PHF12: variants seen among roughly 807,000 people sequenced by gnomAD.
The protein encoded by PHF12 is PHD factor 1.
A neutral mutation model predicts 99.8 loss-of-function variants in PHF12; 6 were observed. The observed-to-expected ratio is 0.06, with a 90% CI of 0.03 to 0.12. The LOEUF (loss-of-function observed/expected upper bound fraction) is 0.12. Among genes scored for constraint, PHF12 ranks in the 10% least tolerant of loss-of-function variants. The pLI is 1.00. For missense variants in PHF12, 954 were observed against 1,300.1 expected (o/e 0.73, Z 4.09); for synonymous variants, 480 against 514.9 (o/e 0.93, Z 0.92).
chr17:28,930,671 C>T (rs1047128990), intron 2 of PHF12, among the ~76,000 whole-genome samples: 1 of 152,146 alleles, frequency 6.6e-6, no homozygotes, highest in Non-Finnish European at 1.5e-5. Flanking sequence ...TTTTCAATAT[C>T]GTTTATCTTA....
In PHF12 at chr17:28,906,637, G is replaced by A; in HGVS notation, c.2681-120C>T. On this transcript the variant is annotated intron_variant, in intron 14 of 14. Coordinates refer to ENST00000332830, the MANE Select transcript of PHF12 (RefSeq NM_001033561.2). This position sits in a 1 kb window ranked among gnomAD's most constrained non-coding sequence, Gnocchi z 4.2. ...CAACTGCTGCATGACTAGGGAGGAA[G>A]GATGCTCAGAAAGGGTTGGTGGAGT... 7.8e-7 allele frequency: 1 copy of A among 1,280,462 alleles called. No individual in the cohort carries two copies. The highest frequency in any genetic ancestry group is 1.1e-6 in the Non-Finnish European group (1 of 934,796). The allele number at this position is 1,280,462 out of a possible 1,614,324, so 79.3% of individuals were successfully genotyped here.
chr17:28,907,665 G>A lies in PHF12; in HGVS notation c.2466C>T (p.Asp822=), dbSNP rs2039893046. ...CATAGTTTGTAAGGCACACATCCAT[G>A]TCAGCTCCTGCAAGGTGGCAGGAGT... The part of the protein sequence containing the change: ...YRTLYIGTGA[D]MDVCLTNYGH... Residue 822 remains aspartate (D), a synonymous_variant, in exon 13 of 15, where the codon GAC becomes GAT. Coordinates refer to ENST00000332830, the MANE Select transcript of PHF12 (RefSeq NM_001033561.2). 1 of 1,613,636 alleles carries A rather than the reference G, an allele frequency of 6.2e-7. No individual in the cohort carries two copies. The highest frequency in any genetic ancestry group is 8.5e-7 in the Non-Finnish European group (1 of 1,179,772).
chr17:28,911,121 C>T lies in PHF12; in HGVS notation c.2206G>A (p.Val736Ile), dbSNP rs1217791456. Reference sequence around the variant, plus strand: ...CAGCTCATTCACTCACCTCCATTGACATCCATAAATGCTCGAAGTGAGTTG... The same window carrying T: ...CAGCTCATTCACTCACCTCCATTGATATCCATAAATGCTCGAAGTGAGTTG... ...LTNSLRAFMD[V>I]NGEIEINMLD... The change falls in exon 10 of 15, where the codon GTC (valine) becomes ATC (isoleucine). Residue 736 changes from valine (V) to isoleucine (I), a missense_variant. Physicochemically the swap from Val to Ile is conservative, Grantham distance 29. Around this residue, in one of 8 missense-constraint regions of PHF12, gnomAD observed 143 missense variants for 191.8 expected, o/e 0.75. Coordinates refer to ENST00000332830, the MANE Select transcript of PHF12 (RefSeq NM_001033561.2). 2 of 1,614,070 alleles carry T rather than the reference C, an allele frequency of 1.2e-6. No individual in the cohort carries two copies. Among genetic ancestry groups the T allele is most frequent in the African/African-American group, 2.7e-5 (2 of 74,928 alleles).
rs2040813580 is a variant in PHF12, at chr17:28,951,463, T to A, written c.-503A>T. The A allele has an allele frequency of 1.0e-6, 1 of 985,552 alleles. No individual in the cohort carries two copies. 61.1% of individuals were successfully genotyped at this position (985,552 alleles called of 1,614,324 possible). A position where few individuals can be genotyped will look rare whatever the true frequency, so the allele number is the denominator to read the frequency against. On this transcript the variant is annotated 5_prime_UTR_variant, in exon 1 of 15. It adds an upstream start codon to the 5' untranslated region. Transcript: ENST00000332830. ...CGGCTGCCGCGCACTTGGCGCAAAC[T>A]TACCGCGAGCGCCCGCAAAGCCACC...
At chr17:28,947,524 GC>G (rs2040741329) in intron 2 of PHF12, among the ~76,000 whole-genome samples, 3 of 151,888 alleles carry the variant, frequency 2.0e-5, no homozygotes, top group African/African-American at 7.3e-5. Flanking sequence ...GTTGCAATAA[GC>G]CGAGATTGCA....
intron 2 of PHF12, among the ~76,000 whole-genome samples, chr17:28,942,310 A>C (rs2040632138): frequency 6.6e-6 from 1 of 151,966 alleles, no homozygotes; most frequent in African/African-American, 2.4e-5. Flanking sequence ...AGGCCAGGAC[A>C]GGAGTTCGAG....
chr17:28,926,453 T>C (rs1236905619), intron 3 of PHF12: 1 of 239,088 alleles, frequency 4.2e-6, no homozygotes, highest in Non-Finnish European at 8.5e-6. Context: ...ATTTAGCTCT[T>C]GTTACCCACA....
intron 2 of PHF12, among the ~76,000 whole-genome samples, chr17:28,938,952 G>C (rs8076046): frequency 0.017 from 2,532 of 152,252 alleles, 63 homozygotes; most frequent in African/African-American, 0.058. Flanking sequence ...TCACCCTAAA[G>C]GTCTGCATGT....
Position 28,950,996 on chromosome 17 carries a change from G to GC in PHF12, c.-37dup, listed in dbSNP as rs764364937. The stretch of plus-strand genomic sequence containing the variant: ...CCCGGGCTGGGTGCTCTCTGCTCCG[G>GC]CCCCCCCAACCCCGGGGGGAGGGGG... On this transcript the variant is annotated 5_prime_UTR_variant, in exon 1 of 15. Transcript: ENST00000332830. This position sits in a 1 kb window ranked among gnomAD's most constrained non-coding sequence, Gnocchi z 5.7. 23 of 1,611,344 alleles carry GC rather than the reference G, an allele frequency of 1.4e-5. No homozygotes were observed. Among genetic ancestry groups the GC allele is most frequent in the South Asian group, 7.7e-5 (7 of 90,818 alleles).
chr17:28,913,336 CCA>C, intron 8 of PHF12, 59 bp from the exon 9 acceptor site: 5 of 1,548,218 alleles, frequency 3.2e-6, no homozygotes, highest in Non-Finnish European at 4.3e-6. Flanking sequence ...GTCCTTCCTG[CCA>C]CAGTGGCCAG....
In PHF12 at chr17:28,949,926, A is replaced by C; in HGVS notation, c.248+139T>G. On this transcript the variant is annotated intron_variant, in intron 2 of 14. Coordinates refer to ENST00000332830, the MANE Select transcript of PHF12 (RefSeq NM_001033561.2). This position sits in a 1 kb window ranked among gnomAD's most constrained non-coding sequence, Gnocchi z 4.6. Reference sequence around the variant, plus strand: ...ACCCGGCGGACACCTGGGGGCGGGGAGGTGCTCGCCCCGGCAGCTGCAGAA... The same window carrying C: ...ACCCGGCGGACACCTGGGGGCGGGGCGGTGCTCGCCCCGGCAGCTGCAGAA... 1.0e-6 allele frequency: 1 copy of C among 962,600 alleles called. No individual in the cohort carries two copies. The highest frequency in any genetic ancestry group is 1.7e-5 in the South Asian group (1 of 59,754). The allele number at this position is 962,600 out of a possible 1,614,324, so 59.6% of individuals were successfully genotyped here. A position where few individuals can be genotyped will look rare whatever the true frequency, so the allele number is the denominator to read the frequency against.
chr17:28,910,489 C>CAATGCTGTTTGAGTA, intron 10 of PHF12, 120 bp from the exon 11 acceptor site: 3 of 1,232,506 alleles, frequency 2.4e-6, no homozygotes, highest in Non-Finnish European at 2.2e-6. Context: ...GATTTTTACT[C>CAATGCTGTTTGAGTA]AAACAGCATT....
Position 28,913,259 on chromosome 17 carries a change from C to T in PHF12, c.1312G>A (p.Ala438Thr). 2 of 1,611,318 alleles carry T rather than the reference C, an allele frequency of 1.2e-6. No individual in the cohort carries two copies. The highest frequency in any genetic ancestry group is 1.7e-6 in the Non-Finnish European group (2 of 1,178,458). Residue 438 changes from alanine (A) to threonine (T), a missense_variant, in exon 9 of 15, where the codon GCG (alanine) becomes ACG (threonine). Transcript: ENST00000332830. ...EQQEWLCSVVALQCSILKHLS... is the reference protein window; with the variant it reads ...EQQEWLCSVVTLQCSILKHLS... ...TGTTTCAATATGCTGCACTGGAGCG[C>T]AACAACACTACAGAGCCACTGCAAT...
At position 28,921,929 on chromosome 17, in the gene PHF12, T is replaced by G. The variant is rs1012935703; in HGVS notation, c.716-121A>C. ...GCATGTGTCATGGCCTAAGCATGAA[T>G]TGCTCTCTGAGGCCCCTGGGGTTGA... On this transcript the variant is annotated intron_variant, in intron 4 of 14. Transcript: ENST00000332830. 9 of 1,374,474 alleles carry G rather than the reference T, an allele frequency of 6.5e-6. No individual in the cohort carries two copies. The African/African-American group carries it at 1.3e-4, about 20-fold the overall frequency. 85.1% of individuals were successfully genotyped at this position (1,374,474 alleles called of 1,614,324 possible).
chr17:28,921,571 A>G (rs2040165737), intron 5 of PHF12, 117 bp downstream of exon 5: 1 of 1,316,582 alleles, frequency 7.6e-7, no homozygotes, highest in South Asian at 1.4e-5. Flanking sequence ...CCATGTACTC[A>G]TACTATCAGA....
At chr17:28,916,447 T>C (rs528186484) in intron 7 of PHF12, among the ~76,000 whole-genome samples, 3 of 152,194 alleles carry the variant, frequency 2.0e-5, no homozygotes, top group Non-Finnish European at 2.9e-5. Flanking sequence ...CCACCTGCCT[T>C]GGTCTCCCAA....
rs1567974828 is a variant in PHF12, at chr17:28,949,249, G to A, written c.248+816C>T. Among the ~76,000 whole-genome samples, 1 of 152,186 alleles carries A rather than the reference G, an allele frequency of 6.6e-6. No homozygotes were observed. The highest frequency in any genetic ancestry group is 1.5e-5 in the Non-Finnish European group (1 of 68,040). ...CGGAGAAATGAAATCGGCGCCCAAG[G>A]GCAATTTTAATTGTCTAACCCGGCC... is the stretch of plus-strand genomic sequence containing the variant. On this transcript the variant is annotated intron_variant, in intron 2 of 14. Transcript: ENST00000332830. This position sits in a 1 kb window ranked among gnomAD's most constrained non-coding sequence, Gnocchi z 4.6.
chr17:28,928,360 T>TA (rs2040324387), intron 2 of PHF12: 1 of 152,238 alleles, frequency 6.6e-6, no homozygotes, highest in Non-Finnish European at 1.5e-5. Flanking sequence ...CAACAATAGA[T>TA]AACCAAACAG....
intron 13 of PHF12, 24 bp from the exon 14 acceptor site, chr17:28,907,018 G>A: frequency 1.9e-6 from 3 of 1,591,580 alleles, no homozygotes; most frequent in Non-Finnish European, 2.6e-6. Context: ...GGGGAGATAA[G>A]ATGTGTGGTC....
Sources: gnomAD v4.1 joint callset for allele counts (sites outside exome capture counted in the v4.1 genomes callset) on GRCh38, gnomAD v4.1.1 for gene constraint, gnomAD v4.1.1 regional missense constraint, Gnocchi (gnomAD v3.1) non-coding constraint, MANE v1.5 for transcripts, NCBI Gene and HGNC (gene_info 2026-07-23, HGNC 2026-07-21) for gene names.